TK2: variants seen among roughly 807,000 people sequenced by gnomAD.
TK2 encodes thymidine kinase 2, mitochondrial.
Under a neutral mutation model 41.9 loss-of-function variants are expected in TK2, and 35 were observed. That is an observed-to-expected ratio of 0.84 (90% confidence interval 0.64 to 1.11). The LOEUF (loss-of-function observed/expected upper bound fraction) is 1.11. TK2 is among the 50% of genes least tolerant of loss of function. The pLI is 0.00. For missense variants in TK2, 320 were observed against 351.1 expected, an observed-to-expected ratio of 0.91 and a Z score of 0.71; for synonymous variants, 128 against 129.1, an observed-to-expected ratio of 0.99 and a Z score of 0.06.
chr16:66,539,350 G>A (rs1965383569), intron 3 of TK2, among the ~76,000 whole-genome samples: 1 of 152,152 alleles, frequency 6.6e-6, no homozygotes, highest in African/African-American at 2.4e-5. Flanking sequence ...TGTAATCCCA[G>A]CACTTTGGGA....
intron 6 of TK2, among the ~76,000 whole-genome samples, chr16:66,522,517 G>C (rs1206377059): frequency 6.6e-6 from 1 of 152,186 alleles, no homozygotes; most frequent in African/African-American, 2.4e-5. Context: ...TTAGCTACAT[G>C]AATCTTGCTC....
chr16:66,526,690 C>T (rs924102763), intron 6 of TK2, among the ~76,000 whole-genome samples: 3 of 152,098 alleles, frequency 2.0e-5, no homozygotes, highest in African/African-American at 4.8e-5. Context: ...ACATCGAGGC[C>T]GCAGTGAGCC....
rs532269257 is a variant in TK2 at position 66,508,281 on chromosome 16, T to C, written c.*3687A>G. The C allele has an allele frequency of 5.3e-5, 8 of 152,366 alleles. No homozygotes were observed. In the South Asian group the frequency reaches 1.2e-3, roughly 24 times the overall value. 9.4% of individuals were successfully genotyped at this position (152,366 alleles called of 1,614,324 possible). On this transcript the variant is annotated 3_prime_UTR_variant, in exon 10 of 10. Coordinates refer to ENST00000544898, the MANE Select transcript of TK2 (RefSeq NM_004614.5). ...AGCTTTTGCCAAGTTCACCATCTTA[T>C]GTAAACTAAAGGAACACGAAATTCA...
rs1361616227 is a variant in TK2, at chr16:66,517,062, G to A, written c.618+74C>T. 2 of 1,285,872 alleles carry A rather than the reference G, an allele frequency of 1.6e-6. No individual in the cohort carries two copies. Among genetic ancestry groups the A allele is most frequent in the Admixed American group, 1.7e-5 (1 of 59,556 alleles). The allele number at this position is 1,285,872 out of a possible 1,614,324, so 79.7% of individuals were successfully genotyped here. On this transcript the variant is annotated intron_variant, in intron 8 of 9. Coordinates refer to ENST00000544898, the MANE Select transcript of TK2 (RefSeq NM_004614.5). The surrounding 1 kb of genome is among the most constrained non-coding windows in gnomAD (Gnocchi z 4.3). Reference sequence around the variant, plus strand: ...GGCACAATGATCTCATGGGGGTGGGGCCGGGAGAGGAAGCCGGGTTGGACA... The same window carrying A: ...GGCACAATGATCTCATGGGGGTGGGACCGGGAGAGGAAGCCGGGTTGGACA...
At chr16:66,518,204 T>C (rs1394444681) in intron 6 of TK2, 1 of 359,050 alleles carries the variant, frequency 2.8e-6, no homozygotes, top group Non-Finnish European at 5.4e-6. Context: ...GGTTAGGCAA[T>C]GAATCAGCAA....
chr16:66,549,941 G>C lies in TK2; in HGVS notation c.121C>G (p.Pro41Ala), dbSNP rs760671699. Reference protein sequence around the residue: ...PRRVQRRAWPPDKEQEKEKKS... With the variant: ...PRRVQRRAWPADKEQEKEKKS... ...GCGGGACCAAGACGCGCGTTACCGG[G>C]AGGCCAGGCCCGGCGCTGCACCCTC... The change falls in exon 1 of 10, where the codon CCC becomes GCC. Residue 41 changes from proline (P) to alanine (A), a missense_variant. Coordinates refer to ENST00000544898, the MANE Select transcript of TK2 (RefSeq NM_004614.5). 25 of 1,354,198 alleles carry C rather than the reference G, an allele frequency of 1.8e-5. No individual in the cohort carries two copies. The highest frequency in any genetic ancestry group is 2.4e-5 in the Non-Finnish European group (25 of 1,061,902). 83.9% of individuals were successfully genotyped at this position (1,354,198 alleles called of 1,614,324 possible).
chr16:66,522,467 T>G (rs536556239), intron 6 of TK2, among the ~76,000 whole-genome samples: 7 of 152,340 alleles, frequency 4.6e-5, no homozygotes, highest in African/African-American at 1.4e-4. Context: ...AAACCTTTGC[T>G]TCCCATTACT....
At chr16:66,540,491 G>C (rs1022620415) in intron 3 of TK2, among the ~76,000 whole-genome samples, 3 of 151,920 alleles carry the variant, frequency 2.0e-5, no homozygotes, top group Admixed American at 1.3e-4. Context: ...ATTTCTAGCA[G>C]AAGTAAAAAC....
chr16:66,538,837 A>T (rs566483622), intron 3 of TK2, among the ~76,000 whole-genome samples: 1 of 152,236 alleles, frequency 6.6e-6, no homozygotes, highest in South Asian at 2.1e-4. Context: ...AGAATCAAAC[A>T]AGGGTGTGGC....
chr16:66,518,489 C>T (rs1182544445), intron 6 of TK2, among the ~76,000 whole-genome samples: 2 of 152,130 alleles, frequency 1.3e-5, no homozygotes, highest in African/African-American at 4.8e-5. Flanking sequence ...ATGATCATGC[C>T]ACTGCACTCC....
At chr16:66,547,016 G>A (rs1965630138) in intron 2 of TK2, among the ~76,000 whole-genome samples, 1 of 152,126 alleles carries the variant, frequency 6.6e-6, no homozygotes, top group Non-Finnish European at 1.5e-5. Flanking sequence ...GCCTCCCGAA[G>A]TGCTGGGATT....
At position 66,510,494 on chromosome 16, in the gene TK2, C is replaced by T. The variant is rs1964420241; in HGVS notation, c.*1474G>A. The T allele has an allele frequency of 6.6e-6, 1 of 152,272 alleles. No individual in the cohort carries two copies. Among genetic ancestry groups the T allele is most frequent in the Non-Finnish European group, 1.5e-5 (1 of 68,068 alleles). The allele number at this position is 152,272 out of a possible 1,614,324, so 9.4% of individuals were successfully genotyped here. The stretch of plus-strand genomic sequence containing the variant: ...ACAGGAAGAACCAGGAGTTGCAGGC[C>T]TTGACTTCCTAACTCTCTGGGACTG... On this transcript the variant is annotated 3_prime_UTR_variant, in exon 10 of 10. Coordinates refer to ENST00000544898, the MANE Select transcript of TK2 (RefSeq NM_004614.5).
chr16:66,536,574 G>C (rs922631579), intron 4 of TK2, among the ~76,000 whole-genome samples: 53 of 152,130 alleles, frequency 3.5e-4, no homozygotes, highest in African/African-American at 1.3e-3. Flanking sequence ...CAAGTCAGGG[G>C]TCCACCAAGG....
rs1351853075 is a variant in TK2, at chr16:66,511,463, C to T, written c.*505G>A. 1 of 240,450 alleles carries T rather than the reference C, an allele frequency of 4.2e-6. No individual in the cohort carries two copies. Among genetic ancestry groups the T allele is most frequent in the Admixed American group, 5.2e-5 (1 of 19,226 alleles). 14.9% of individuals were successfully genotyped at this position (240,450 alleles called of 1,614,324 possible). On this transcript the variant is annotated 3_prime_UTR_variant, in exon 10 of 10. Transcript: ENST00000544898. ...GAACAGCTCTCAGGAGGAGGCAGCCCAGGGCAAGGGAAAGTTGCTGAGTCG... is the reference window on the plus strand; with the variant it reads ...GAACAGCTCTCAGGAGGAGGCAGCCTAGGGCAAGGGAAAGTTGCTGAGTCG...
Position 66,517,877 on chromosome 16 carries a change from A to C in TK2, c.450T>G (p.Ser150Arg). ...RYIFVENLYRSGKMPEVDYVV... is the reference protein window; with the variant it reads ...RYIFVENLYRRGKMPEVDYVV... ...CATAGTCCACTTCTGGCATCTTCCC[A>C]CTGCAATGAGAGTTGTAAGGGCTTA... is the stretch of plus-strand genomic sequence containing the variant. Residue 150 changes from serine (S) to arginine (R), a missense_variant and splice_region_variant, in exon 7 of 10, where the codon AGT becomes AGG. Ser to Arg is a moderately radical substitution (Grantham distance 110). Transcript: ENST00000544898. The surrounding 1 kb of genome is among the most constrained non-coding windows in gnomAD (Gnocchi z 4.3). 6.2e-7 allele frequency: 1 copy of C among 1,613,926 alleles called. No homozygotes were observed. Among genetic ancestry groups the C allele is most frequent in the Non-Finnish European group, 8.5e-7 (1 of 1,179,786 alleles).
intron 3 of TK2, 107 bp downstream of exon 3, chr16:66,541,772 C>T (rs1283972105): frequency 2.5e-6 from 3 of 1,200,910 alleles, no homozygotes; most frequent in African/African-American, 1.5e-5. Flanking sequence ...GTGGCTTGCA[C>T]TTGTGGCTCA....
chr16:66,530,722 T>C (rs563613284), intron 5 of TK2, among the ~76,000 whole-genome samples: 11 of 146,874 alleles, frequency 7.5e-5, no homozygotes, highest in South Asian at 2.1e-4. Context: ...ATTTCTTTCT[T>C]TTTTTTTTTT....
rs868813851 is a variant in TK2 at position 66,542,051 on chromosome 16, T to C, written c.157-98A>G. On this transcript the variant is annotated intron_variant, in intron 2 of 9. Coordinates refer to ENST00000544898, the MANE Select transcript of TK2 (RefSeq NM_004614.5). Reference sequence around the variant, plus strand: ...GAAAGGGCTCATGTAACCAGCATAATTGGTTCAGTCCAAGACTTTCACATG... The same window carrying C: ...GAAAGGGCTCATGTAACCAGCATAACTGGTTCAGTCCAAGACTTTCACATG... The C allele has an allele frequency of 1.7e-5, 22 of 1,328,286 alleles. No homozygotes were observed. The Middle Eastern group carries it at 3.2e-3, about 195-fold the overall frequency. 82.3% of individuals were successfully genotyped at this position (1,328,286 alleles called of 1,614,324 possible).
At chr16:66,526,696 G>A (rs1053862841) in intron 6 of TK2, among the ~76,000 whole-genome samples, 1 of 152,146 alleles carries the variant, frequency 6.6e-6, no homozygotes, top group African/African-American at 2.4e-5. Context: ...AGGCCGCAGT[G>A]AGCCATGATC....
Sources: gnomAD v4.1 joint callset for allele counts (sites outside exome capture counted in the v4.1 genomes callset) on GRCh38, gnomAD v4.1.1 for gene constraint, Gnocchi (gnomAD v3.1) non-coding constraint, MANE v1.5 for transcripts, NCBI Gene and HGNC (gene_info 2026-07-23, HGNC 2026-07-21) for gene names.